Variants in TRANK1 observed in about 807,000 individuals in gnomAD.
The protein encoded by TRANK1 is tetratricopeptide repeat and ankyrin repeat containing 1.
TRANK1 carries 198 observed loss-of-function variants against 266.0 expected under a neutral mutation model. The ratio of observed to expected loss-of-function variants is 0.74; its 90% confidence interval spans 0.66 to 0.84. TRANK1 has a LOEUF of 0.84. Among genes scored for constraint, TRANK1 ranks in the 40% least tolerant of loss-of-function variants. The pLI is 0.00. For synonymous variants in TRANK1, 1,396 were observed against 1,384.1 expected (o/e 1.01, Z -0.19); for missense variants, 3,326 against 3,634.6 (o/e 0.92, Z 2.18).
chr3:36,881,900 C>G (rs773317973), intron 8 of TRANK1, among the ~76,000 whole-genome samples: 4 of 152,136 alleles, frequency 2.6e-5, no homozygotes, highest in African/African-American at 9.7e-5. Flanking sequence ...AATCTTCCTC[C>G]GTGTTGTAGC....
At position 36,855,605 on chromosome 3, in the gene TRANK1, A is replaced by G. The variant is rs757541293; in HGVS notation, c.4117T>C (p.Tyr1373His). The stretch of plus-strand genomic sequence containing the variant: ...CACCGTTTCCTCCCTAATTTCTTAT[A>G]TACTTCTTCAGTGAGTCTCCCATGG... ...CPHGRLTEEV[Y>H]KKLGRKRCPN... The change falls in exon 13 of 24, where the codon TAT (tyrosine) becomes CAT (histidine). Residue 1373 changes from tyrosine to histidine, a missense_variant. Coordinates refer to ENST00000645898, the MANE Select transcript of TRANK1 (RefSeq NM_001329998.2). 36 of 1,613,802 alleles carry G rather than the reference A, an allele frequency of 2.2e-5. No homozygotes were observed. Among genetic ancestry groups the G allele is most frequent in the Non-Finnish European group, 3.1e-5 (36 of 1,179,844 alleles).
chr3:36,858,102 C>T (rs7619089), intron 12 of TRANK1, 53 bp from the exon 13 acceptor site: 403,482 of 1,397,558 alleles, frequency 0.29, 62,059 homozygotes, highest in East Asian at 0.55. Context: ...TCTTAGGGGA[C>T]AGCAGACCCT....
chr3:36,838,786 T>C, intron 18 of TRANK1, 70 bp from the exon 19 acceptor site: 1 of 1,466,326 alleles, frequency 6.8e-7, no homozygotes, highest in Non-Finnish European at 9.4e-7. Flanking sequence ...GGTTAAAGCA[T>C]GCATTATAAG....
intron 1 of TRANK1, among the ~76,000 whole-genome samples, chr3:36,910,131 G>A (rs979786442): frequency 6.6e-6 from 1 of 152,176 alleles, no homozygotes; most frequent in African/African-American, 2.4e-5. Flanking sequence ...AGGGTCCTAA[G>A]AAACAATTCA....
At chr3:36,899,337 C>A in intron 3 of TRANK1, 78 bp from the exon 4 acceptor site, 1 of 1,459,698 alleles carries the variant, frequency 6.9e-7, no homozygotes, top group Non-Finnish European at 9.1e-7. Flanking sequence ...GCAAAATTGG[C>A]AACATGGGAA....
chr3:36,936,119 C>G (rs1207227129), intron 1 of TRANK1, among the ~76,000 whole-genome samples: 1 of 152,134 alleles, frequency 6.6e-6, no homozygotes, highest in Non-Finnish European at 1.5e-5. Flanking sequence ...ATGCTAAAAG[C>G]TAAGAACAAT....
In TRANK1 at chr3:36,886,351, C is replaced by T. The variant is rs1575263741; in HGVS notation, c.907+3478G>A. Among the ~76,000 whole-genome samples the T allele has an allele frequency of 2.0e-5, 3 of 151,760 alleles. No homozygotes were observed. In the South Asian group the frequency reaches 6.3e-4, roughly 32 times the overall value. On this transcript the variant is annotated intron_variant, in intron 8 of 23. Coordinates refer to ENST00000645898, the MANE Select transcript of TRANK1 (RefSeq NM_001329998.2). The stretch of plus-strand genomic sequence containing the variant: ...CTCAAATTTCTGGTCTCAAGTGATC[C>T]ACCCACCTTAGCCTCCCCCAAAGTG...
Position 36,860,932 on chromosome 3 carries a change from A to C in TRANK1, c.1469T>G (p.Leu490Arg). The C allele has an allele frequency of 1.3e-6, 2 of 1,537,446 alleles. No homozygotes were observed. The highest frequency in any genetic ancestry group is 1.7e-6 in the Non-Finnish European group (2 of 1,146,948). ...LSTWDQRKKQ[L>R]LGCLIDSGAL... Reference sequence around the variant, plus strand: ...TCCACTGTCTATCAGGCAGCCCAGAAGCTGTTTCTTCCGCTGGTCCCAGGT... The same window carrying C: ...TCCACTGTCTATCAGGCAGCCCAGACGCTGTTTCTTCCGCTGGTCCCAGGT... Residue 490 changes from leucine (L) to arginine (R), a missense_variant, in exon 11 of 24, where the codon CTT becomes CGT. Coordinates refer to ENST00000645898, the MANE Select transcript of TRANK1 (RefSeq NM_001329998.2).
At position 36,838,630 on chromosome 3, in the gene TRANK1, G is replaced by A; in HGVS notation, c.5367C>T (p.Ser1789=). The part of the protein sequence containing the change: ...LAHDTALSMK[S]KKVSPKEKQL... ...ACTCTTACTTGGGGCTGACTTTCTT[G>A]GATTTCATGCTCAGGGCAGTGTCAT... The change falls in exon 19 of 24, where the codon TCC becomes TCT. Residue 1789 remains serine (S), a synonymous_variant. Transcript: ENST00000645898. 3.1e-6 allele frequency: 5 copies of A among 1,613,946 alleles called. No homozygotes were observed. Among genetic ancestry groups the A allele is most frequent in the Non-Finnish European group, 4.2e-6 (5 of 1,179,852 alleles).
At chr3:36,887,897 T>A (rs1347852086) in intron 8 of TRANK1, among the ~76,000 whole-genome samples, 1 of 152,250 alleles carries the variant, frequency 6.6e-6, no homozygotes, top group African/African-American at 2.4e-5. Context: ...CGTCATACAC[T>A]GCTGGTGGCA....
rs769341034 is a variant in TRANK1 at position 36,828,235 on chromosome 3, G to T, written c.*40C>A. The T allele has an allele frequency of 4.8e-6, 7 of 1,446,506 alleles. No homozygotes were observed. In the South Asian group the frequency reaches 6.0e-5, roughly 12 times the overall value. The allele number at this position is 1,446,506 out of a possible 1,614,324, so 89.6% of individuals were successfully genotyped here. On this transcript the variant is annotated 3_prime_UTR_variant, in exon 24 of 24. Coordinates refer to ENST00000645898, the MANE Select transcript of TRANK1 (RefSeq NM_001329998.2). ...GCGCTCAGAATTCTAAGTCAGAATG[G>T]AATGTTCCGAAGGATGAGGAGGCTG...
Position 36,838,586 on chromosome 3 carries a change from A to AACC in TRANK1, c.5384+24_5384+26dup, listed in dbSNP as rs753890052. The AACC allele has an allele frequency of 8.7e-6, 14 of 1,613,880 alleles. No individual in the cohort carries two copies. In the African/African-American group the frequency reaches 1.9e-4, roughly 22 times the overall value. ...TTAACCTGCTACTCCCATCGGAGCA[A>AACC]ACCAGAAGTGATCCCAAGACTCTTA... On this transcript the variant is annotated intron_variant, in intron 19 of 23. Coordinates refer to ENST00000645898, the MANE Select transcript of TRANK1 (RefSeq NM_001329998.2).
chr3:36,895,784 G>A (rs2079781249), intron 4 of TRANK1, 26 bp from the exon 5 acceptor site: 8 of 1,457,656 alleles, frequency 5.5e-6, no homozygotes, highest in Middle Eastern at 1.7e-4. Context: ...ATAATTTAGG[G>A]ATTTTAATGT....
chr3:36,854,433 G>A (rs1212309865), intron 13 of TRANK1, among the ~76,000 whole-genome samples: 1 of 151,848 alleles, frequency 6.6e-6, no homozygotes, highest in Non-Finnish European at 1.5e-5. Flanking sequence ...GTTACAGAAA[G>A]ATATGTCCAG....
intron 20 of TRANK1, among the ~76,000 whole-genome samples, chr3:36,835,946 AAGCT>A (rs2078765547): frequency 6.6e-6 from 1 of 152,266 alleles, no homozygotes; most frequent in Non-Finnish European, 1.5e-5. Flanking sequence ...ACACAACAGA[AAGCT>A]AGGCAAAGGA....
Position 36,833,201 on chromosome 3 carries a change from G to A in TRANK1, c.6382C>T (p.Gln2128Ter), listed in dbSNP as rs1312118154. ...GGCCCAGGGTCATTCTGAGCTATCT[G>A]GCAATACTTGGCATCCACCTGGGAA... ...GISQVDAKYC[Q>*]IAQNDPGPIL... The change falls in exon 22 of 24, where the codon CAG becomes TAG. Residue 2128 changes from glutamine (Q) to a stop codon, truncating the protein, a stop_gained. Transcript: ENST00000645898. LOFTEE classifies it high-confidence loss of function. The A allele has an allele frequency of 6.2e-7, 1 of 1,613,906 alleles. No individual in the cohort carries two copies. The highest frequency in any genetic ancestry group is 8.5e-7 in the Non-Finnish European group (1 of 1,179,854).
chr3:36,884,652 GC>G (rs1030141484), intron 8 of TRANK1, among the ~76,000 whole-genome samples: 5 of 152,088 alleles, frequency 3.3e-5, no homozygotes, highest in African/African-American at 9.7e-5. Flanking sequence ...CAAGCAATAG[GC>G]CAGGCGTAGT....
chr3:36,892,624 T>C (rs2079717476), intron 6 of TRANK1, among the ~76,000 whole-genome samples: 1 of 151,382 alleles, frequency 6.6e-6, no homozygotes, highest in African/African-American at 2.4e-5. Flanking sequence ...AGGTCAGGAG[T>C]TCAAGACCAG....
At chr3:36,893,125 A>C in intron 5 of TRANK1, 141 bp from the exon 6 acceptor site, 2 of 346,834 alleles carry the variant, frequency 5.8e-6, no homozygotes, top group Non-Finnish European at 1.0e-5. Context: ...AGTGCTTGCC[A>C]AGTTTTTCAG....
Sources: allele counts gnomAD v4.1 joint callset (sites outside exome capture counted in the v4.1 genomes callset), GRCh38; gene constraint gnomAD v4.1.1; transcripts MANE v1.5; gene names NCBI Gene and HGNC (gene_info 2026-07-23, HGNC 2026-07-21).